Variants in AGBL4 observed in about 807,000 individuals in gnomAD.
AGBL4 encodes the protein AGBL carboxypeptidase 4.
In AGBL4, 58 loss-of-function variants were observed where a neutral mutation model predicts 66.4. That is an observed-to-expected ratio of 0.87 (90% CI 0.71 to 1.09). The LOEUF (loss-of-function observed/expected upper bound fraction) is 1.09, where lower values mean the gene tolerates loss of function less well. AGBL4 is among the 50% of genes least tolerant of loss of function. The pLI, the probability that AGBL4 is intolerant of heterozygous loss-of-function variation, is 0.00. For synonymous variants in AGBL4, 234 were observed against 222.9 expected, an observed-to-expected ratio of 1.05 and a Z score of -0.44; for missense variants, 579 against 631.0, an observed-to-expected ratio of 0.92 and a Z score of 0.88.
At chr1:49,655,166 A>T (rs1646097523) in intron 3 of AGBL4, among the ~76,000 whole-genome samples, 1 of 152,108 alleles carries the variant, frequency 6.6e-6, no homozygotes, top group African/African-American at 2.4e-5. Context: ...CTTGTCTCTA[A>T]AGGATTTTAT....
chr1:49,971,272 T>C (rs1052541708), intron 1 of AGBL4, among the ~76,000 whole-genome samples: 1 of 152,180 alleles, frequency 6.6e-6, no homozygotes, highest in Non-Finnish European at 1.5e-5. Context: ...ACATGAATCA[T>C]CCCTTTGTCC....
intron 3 of AGBL4, among the ~76,000 whole-genome samples, chr1:49,262,199 TA>T (rs1391254558): frequency 1.3e-5 from 2 of 152,096 alleles, no homozygotes; most frequent in African/African-American, 4.8e-5. Flanking sequence ...CCTAAAACCA[TA>T]AAAACCCTAG....
chr1:48,894,079 C>T (rs77963949), intron 5 of AGBL4, among the ~76,000 whole-genome samples: 2,410 of 152,296 alleles, frequency 0.016, 61 homozygotes, highest in African/African-American at 0.051. Flanking sequence ...ACTTCCGTAG[C>T]TTTTGAAAGT....
intron 3 of AGBL4, among the ~76,000 whole-genome samples, chr1:49,352,833 G>GCT (rs1643938619): frequency 6.6e-6 from 1 of 152,196 alleles, no homozygotes; most frequent in African/African-American, 2.4e-5. Flanking sequence ...TTATTTTACA[G>GCT]ATGAGGCTAA....
chr1:49,170,476 A>G (rs1018361890), intron 4 of AGBL4, among the ~76,000 whole-genome samples: 1 of 143,610 alleles, frequency 7.0e-6, no homozygotes, highest in Non-Finnish European at 1.5e-5. Flanking sequence ...TATTTTATAT[A>G]AATTTATATA....
intron 4 of AGBL4, among the ~76,000 whole-genome samples, chr1:49,170,446 G>T (rs1223365064): frequency 1.4e-5 from 2 of 138,858 alleles, no homozygotes; most frequent in African/African-American, 5.2e-5. Context: ...AAATATATAT[G>T]TTTATATAAT....
intron 2 of AGBL4, among the ~76,000 whole-genome samples, chr1:49,699,721 G>T (rs1647051225): frequency 6.6e-6 from 1 of 151,836 alleles, no homozygotes; most frequent in African/African-American, 2.4e-5. Context: ...AAAATAAAAT[G>T]GTGGTTACCA....
At chr1:49,062,057 A>G (rs1220554236) in intron 4 of AGBL4, among the ~76,000 whole-genome samples, 1 of 152,102 alleles carries the variant, frequency 6.6e-6, no homozygotes, top group Non-Finnish European at 1.5e-5. Context: ...CCTATTGTGA[A>G]CTTTGCATGC....
chr1:48,524,256 C>T, the AGBL4 span, among the ~76,000 whole-genome samples: 3 of 152,178 alleles, frequency 2.0e-5, no homozygotes, highest in African/African-American at 7.2e-5. Flanking sequence ...CTACCTCTCA[C>T]TTCTTCATAA....
chr1:49,566,768 T>G (rs1268761020), intron 3 of AGBL4, among the ~76,000 whole-genome samples: 2 of 138,138 alleles, frequency 1.4e-5, no homozygotes, highest in Non-Finnish European at 3.3e-5. Context: ...GGAGGCAGTC[T>G]GCCCATTCTC....
chr1:49,540,612 T>C (rs1401192578), intron 3 of AGBL4, among the ~76,000 whole-genome samples: 1 of 152,192 alleles, frequency 6.6e-6, no homozygotes, highest in African/African-American at 2.4e-5. Context: ...ATGTATACTA[T>C]ATGGCAATAA....
intron 1 of AGBL4, among the ~76,000 whole-genome samples, chr1:49,960,115 T>C (rs1293125339): frequency 6.6e-6 from 1 of 151,972 alleles, no homozygotes; most frequent in African/African-American, 2.4e-5. Flanking sequence ...CAAACCCCCA[T>C]GACCTGCAGT....
rs139593795 is a variant in AGBL4, at chr1:49,571,157, G to A, written c.282+126156C>T. Among the ~76,000 whole-genome samples the A allele has an allele frequency of 5.3e-5, 8 of 150,054 alleles. 1 individual carries two copies. The East Asian group carries it at 1.6e-3, about 29-fold the overall frequency. The stretch of plus-strand genomic sequence containing the variant: ...TTTGTATTATGAGAAAGATTGTATT[G>A]AATCTGTAGATTTCTTTGAGCAGTA... On this transcript the variant is annotated intron_variant, in intron 3 of 13. Transcript: ENST00000371839.
chr1:49,137,000 G>A lies in AGBL4; in HGVS notation c.378-91200C>T, dbSNP rs145763044. On this transcript the variant is annotated intron_variant, in intron 4 of 13. Transcript: ENST00000371839. Reference sequence around the variant, plus strand: ...CTAATTTTTGTTCCCCCATTAGTTCGTAACATAAGAAGCAGAGAATGCTTT... The same window carrying A: ...CTAATTTTTGTTCCCCCATTAGTTCATAACATAAGAAGCAGAGAATGCTTT... Among the ~76,000 whole-genome samples the A allele has an allele frequency of 1.5e-3, 232 of 152,132 alleles. 2 individuals carry two copies. Among genetic ancestry groups the A allele is most frequent in the South Asian group, 9.7e-3 (47 of 4,822 alleles).
intron 4 of AGBL4, among the ~76,000 whole-genome samples, chr1:49,184,090 GA>G (rs1460840675): frequency 3.3e-5 from 5 of 152,084 alleles, no homozygotes; most frequent in Admixed American, 3.3e-4. Context: ...AATAAAAGAA[GA>G]AAAAAACTAA....
intron 3 of AGBL4, among the ~76,000 whole-genome samples, chr1:49,347,308 G>A (rs1266350898): frequency 6.9e-6 from 1 of 144,686 alleles, no homozygotes; most frequent in East Asian, 2.1e-4. Flanking sequence ...CTGGAGTGCA[G>A]TGGCACGATC....
chr1:49,148,500 C>T (rs956135671), intron 4 of AGBL4, among the ~76,000 whole-genome samples: 3 of 152,128 alleles, frequency 2.0e-5, no homozygotes, highest in South Asian at 2.1e-4. Context: ...CTGAGCCAGG[C>T]GCAGTAGTGC....
At chr1:49,692,577 G>C (rs1011046107) in intron 3 of AGBL4, among the ~76,000 whole-genome samples, 2 of 152,134 alleles carry the variant, frequency 1.3e-5, no homozygotes, top group Non-Finnish European at 2.9e-5. Flanking sequence ...AATTAGCTGG[G>C]CATGGTGGCA....
rs182693803 is a variant in AGBL4, at chr1:48,789,946, C to T, written c.634+77245G>A. On this transcript the variant is annotated intron_variant, in intron 6 of 13. Transcript: ENST00000371839. Reference sequence around the variant, plus strand: ...TGGAGGCAGACCTGAACTGCATAAACAACGAGGTATATTTTTCCACTTAAG... The same window carrying T: ...TGGAGGCAGACCTGAACTGCATAAATAACGAGGTATATTTTTCCACTTAAG... Among the ~76,000 whole-genome samples the T allele has an allele frequency of 3.2e-3, 481 of 152,330 alleles. 2 individuals are homozygous for T. The highest frequency in any genetic ancestry group is 0.01 in the African/African-American group (429 of 41,576).
Sources: gnomAD v4.1 joint callset for allele counts (sites outside exome capture counted in the v4.1 genomes callset) on GRCh38, gnomAD v4.1.1 for gene constraint, MANE v1.5 for transcripts, NCBI Gene and HGNC (gene_info 2026-07-23, HGNC 2026-07-21) for gene names.